The following HPCAL1 variants were observed in gnomAD, a reference collection of about 807,000 sequenced individuals.
The protein encoded by HPCAL1 is hippocalcin-like protein 1.
HPCAL1 carries 8 observed loss-of-function variants against 17.1 expected under a neutral mutation model. The ratio of observed to expected loss-of-function variants is 0.47; its 90% CI spans 0.27 to 0.84. The LOEUF is 0.84. Ranked by LOEUF, HPCAL1 falls within the 40% of genes least tolerant of loss-of-function variation. HPCAL1 has a pLI of 0.13. For missense variants in HPCAL1, 165 were observed against 271.1 expected (o/e 0.61, Z 2.75); for synonymous variants, 112 against 111.4 (o/e 1.01, Z -0.03).
rs887167624 is a variant in HPCAL1 at position 10,419,989 on chromosome 2, G to T, written c.232G>T (p.Gly78Cys). Residue 78 changes from glycine (G) to cysteine (C), a missense_variant, in exon 3 of 5, where the codon GGC becomes TGC. Physicochemically the swap from Gly to Cys is radical, Grantham distance 159. Coordinates refer to ENST00000307845, the MANE Select transcript of HPCAL1 (RefSeq NM_002149.4). The surrounding 1 kb of genome is among the most constrained non-coding windows in gnomAD (Gnocchi z 5.0). ...CCGCACCTTCGACACCAACGGCGAC[G>T]GCACCATCGACTTCCGGGAGTTCAT... Reference protein sequence around the residue: ...VFRTFDTNGDGTIDFREFIIA... With the variant: ...VFRTFDTNGDCTIDFREFIIA... 3 of 1,613,996 alleles carry T rather than the reference G, an allele frequency of 1.9e-6. No individual in the cohort carries two copies. Among genetic ancestry groups the T allele is most frequent in the Non-Finnish European group, 8.5e-7 (1 of 1,180,030 alleles).
At chr2:10,337,749 C>T (rs932574760) in intron 1 of HPCAL1, among the ~76,000 whole-genome samples, 3 of 152,192 alleles carry the variant, frequency 2.0e-5, no homozygotes, top group Admixed American at 1.3e-4. Context: ...CCAGCCCCTT[C>T]CTTCCCACCT....
At chr2:10,315,955 C>G (rs567275100) in intron 1 of HPCAL1, among the ~76,000 whole-genome samples, 1 of 152,212 alleles carries the variant, frequency 6.6e-6, no homozygotes, top group East Asian at 1.9e-4. Flanking sequence ...TGCACTGACC[C>G]GAGATCAGGC....
chr2:10,387,116 A>G (rs1368971930), intron 1 of HPCAL1, among the ~76,000 whole-genome samples: 4 of 152,236 alleles, frequency 2.6e-5, no homozygotes, highest in African/African-American at 9.6e-5. Flanking sequence ...TCCAGCACCC[A>G]TGAGGAGCAG....
intron 1 of HPCAL1, among the ~76,000 whole-genome samples, chr2:10,352,703 C>T (rs950826098): frequency 4.6e-5 from 7 of 152,158 alleles, no homozygotes; most frequent in Non-Finnish European, 7.3e-5. Flanking sequence ...CAGCTCAGGC[C>T]CCCCCAGGGA....
intron 1 of HPCAL1, chr2:10,303,561 C>T (rs180791985): frequency 6.6e-6 from 1 of 152,496 alleles, no homozygotes; most frequent in East Asian, 1.9e-4. Flanking sequence ...CCCAGAGCCC[C>T]CTGTCCCTGC....
intron 1 of HPCAL1, among the ~76,000 whole-genome samples, chr2:10,357,085 C>T (rs1666203141): frequency 6.6e-6 from 1 of 152,126 alleles, no homozygotes; most frequent in Non-Finnish European, 1.5e-5. Context: ...TGCACTCCAG[C>T]CTGGGTGACA....
rs574804414 is a variant in HPCAL1 at position 10,341,278 on chromosome 2, G to A, written c.-111+38101G>A. On this transcript the variant is annotated intron_variant, in intron 1 of 4. Coordinates refer to ENST00000307845, the MANE Select transcript of HPCAL1 (RefSeq NM_002149.4). ...AGTACAAAACCATCCTGGGCAACACGGTGAAACCCCATCTCTACAAAAAAA... is the reference window on the plus strand; with the variant it reads ...AGTACAAAACCATCCTGGGCAACACAGTGAAACCCCATCTCTACAAAAAAA... Among the ~76,000 whole-genome samples the A allele has an allele frequency of 2.6e-5, 4 of 151,926 alleles. No homozygotes were observed. The South Asian group carries it at 6.3e-4, about 24-fold the overall frequency.
At chr2:10,312,865 T>C (rs1663080304) in intron 1 of HPCAL1, among the ~76,000 whole-genome samples, 1 of 151,770 alleles carries the variant, frequency 6.6e-6, no homozygotes. Context: ...ACCATCATCA[T>C]CACCACCACC....
chr2:10,327,151 G>A (rs1664067596), intron 1 of HPCAL1, among the ~76,000 whole-genome samples: 1 of 152,192 alleles, frequency 6.6e-6, no homozygotes, highest in African/African-American at 2.4e-5. Flanking sequence ...GGTCTCTGAT[G>A]CTACTGGGAA....
rs114891507 is a variant in HPCAL1 at position 10,375,438 on chromosome 2, C to G, written c.-110-21397C>G. On this transcript the variant is annotated intron_variant, in intron 1 of 4. Coordinates refer to ENST00000307845, the MANE Select transcript of HPCAL1 (RefSeq NM_002149.4). ...TGCGGAGCAACAGCTCCCTGTGCATCAGAGCCGTGGGGGAGGGGGGCCAGG... is the reference window on the plus strand; with the variant it reads ...TGCGGAGCAACAGCTCCCTGTGCATGAGAGCCGTGGGGGAGGGGGGCCAGG... Among the ~76,000 whole-genome samples the G allele has an allele frequency of 9.2e-3, 1,394 of 152,278 alleles. 10 individuals are homozygous for G. The highest frequency in any genetic ancestry group is 0.016 in the South Asian group (76 of 4,824).
At chr2:10,402,331 G>C (rs1234624748) in intron 2 of HPCAL1, among the ~76,000 whole-genome samples, 2 of 152,258 alleles carry the variant, frequency 1.3e-5, no homozygotes, top group Non-Finnish European at 2.9e-5. Context: ...CTGCATGTAA[G>C]GGGTGTTCCG....
At chr2:10,407,981 C>T (rs12467741) in intron 2 of HPCAL1, among the ~76,000 whole-genome samples, 39,041 of 152,038 alleles carry the variant, frequency 0.26, 5,298 homozygotes, top group South Asian at 0.41. Context: ...TTGCATTGGG[C>T]TTTGGTGGAT....
In HPCAL1 at chr2:10,395,113, A is replaced by AACACACACAC. The variant is rs55678486; in HGVS notation, c.-110-1685_-110-1676dup. ...TGTCCAGCCTAAAATCTATCTTTAA[A>AACACACACAC]ACACACACACACACACACACACACA... is the stretch of plus-strand genomic sequence containing the variant. On this transcript the variant is annotated intron_variant, in intron 1 of 4. Coordinates refer to ENST00000307845, the MANE Select transcript of HPCAL1 (RefSeq NM_002149.4). The surrounding 1 kb of genome is among the most constrained non-coding windows in gnomAD (Gnocchi z 4.4). Among the ~76,000 whole-genome samples, 385 of 138,456 alleles carry AACACACACAC rather than the reference A, an allele frequency of 2.8e-3. 3 individuals are homozygous for AACACACACAC. The highest frequency in any genetic ancestry group is 7.1e-3 in the Middle Eastern group (2 of 280). 90.8% of individuals were successfully genotyped at this position (138,456 alleles called of 152,430 possible).
intron 1 of HPCAL1, among the ~76,000 whole-genome samples, chr2:10,340,619 A>C (rs536414959): frequency 1.2e-4 from 18 of 152,304 alleles, no homozygotes; most frequent in Non-Finnish European, 2.4e-4. Flanking sequence ...GCAGTCTGTA[A>C]GCGGCAGAGC....
chr2:10,358,056 C>A (rs1481076787), intron 1 of HPCAL1, among the ~76,000 whole-genome samples: 1 of 152,232 alleles, frequency 6.6e-6, no homozygotes, highest in Non-Finnish European at 1.5e-5. Context: ...ATAGCAGCCC[C>A]GGTGGAAAGC....
intron 2 of HPCAL1, among the ~76,000 whole-genome samples, chr2:10,401,488 T>A (rs1232450834): frequency 6.6e-6 from 1 of 152,090 alleles, no homozygotes; most frequent in East Asian, 1.9e-4. Context: ...GGCTAGAATG[T>A]GTCTGATGGG....
chr2:10,374,707 G>A (rs1191388302), intron 1 of HPCAL1, among the ~76,000 whole-genome samples: 1 of 152,254 alleles, frequency 6.6e-6, no homozygotes, highest in Non-Finnish European at 1.5e-5. Flanking sequence ...CTGGGCACCA[G>A]CAGGGAGGTC....
At chr2:10,423,331 G>A (rs1671188222) in intron 4 of HPCAL1, 2 of 525,232 alleles carry the variant, frequency 3.8e-6, no homozygotes, top group East Asian at 6.7e-5. Flanking sequence ...CTGAGCCACT[G>A]TCTCCCCACT....
chr2:10,341,417 C>G (rs1034694337), intron 1 of HPCAL1, among the ~76,000 whole-genome samples: 3 of 152,148 alleles, frequency 2.0e-5, no homozygotes, highest in Admixed American at 6.5e-5. Context: ...CGCCACTGCA[C>G]TCCAGCCTGG....
Sources: allele counts gnomAD v4.1 joint callset (sites outside exome capture counted in the v4.1 genomes callset), GRCh38; gene constraint gnomAD v4.1.1; non-coding constraint Gnocchi (gnomAD v3.1); transcripts MANE v1.5; gene names NCBI Gene and HGNC (gene_info 2026-07-23, HGNC 2026-07-21).